GDF6: variants seen among roughly 807,000 people sequenced by gnomAD.
GDF6 encodes growth differentiation factor 6.
Under a neutral mutation model 32.4 loss-of-function variants are expected in GDF6, and 3 were observed. The observed-to-expected ratio is 0.09, with a 90% confidence interval of 0.04 to 0.24. The LOEUF is 0.24. Among genes scored for constraint, GDF6 ranks in the 10% least tolerant of loss-of-function variants. The pLI, the probability that GDF6 is intolerant of heterozygous loss-of-function variation, is 1.00. For missense variants in GDF6, 589 were observed against 637.9 expected, an observed-to-expected ratio of 0.92 and a Z score of 0.83; for synonymous variants, 296 against 295.3, an observed-to-expected ratio of 1.00 and a Z score of -0.03.
chr8:96,152,233 T>C (rs1299003185), intron 1 of GDF6, among the ~76,000 whole-genome samples: 2 of 152,170 alleles, frequency 1.3e-5, no homozygotes, highest in Non-Finnish European at 1.5e-5. Context: ...ATCATCCCGA[T>C]TCTTCTCAGT....
Position 96,142,773 on chromosome 8 carries a change from T to C in GDF6, c.*1790A>G, listed in dbSNP as rs1290681391. On this transcript the variant is annotated 3_prime_UTR_variant, in exon 2 of 2. Coordinates refer to ENST00000287020, the MANE Select transcript of GDF6 (RefSeq NM_001001557.4). ...AATGTGCATTTTAAATTATTTCTCC[T>C]GGCCAAGTCTTTTTTTCACTTAGCA... 1 of 152,648 alleles carries C rather than the reference T, an allele frequency of 6.6e-6. No homozygotes were observed. Among genetic ancestry groups the C allele is most frequent in the Non-Finnish European group, 1.5e-5 (1 of 68,038 alleles). The allele number at this position is 152,648 out of a possible 1,614,324, so 9.5% of individuals were successfully genotyped here.
At chr8:96,158,926 C>T (rs1812714834) in intron 1 of GDF6, among the ~76,000 whole-genome samples, 1 of 152,006 alleles carries the variant, frequency 6.6e-6, no homozygotes, top group African/African-American at 2.4e-5. Flanking sequence ...GCGGCGAGAC[C>T]CTCGAGCAAG....
chr8:96,149,405 G>T (rs1477330805), intron 1 of GDF6, among the ~76,000 whole-genome samples: 1 of 152,202 alleles, frequency 6.6e-6, no homozygotes, highest in Non-Finnish European at 1.5e-5. Flanking sequence ...ACAATTGCTG[G>T]ATTAGGGCTT....
rs1411097340 is a variant in GDF6 at position 96,145,619 on chromosome 8, G to A, written c.407-95C>T. 2.0e-6 allele frequency: 3 copies of A among 1,487,230 alleles called. No individual in the cohort carries two copies. Among genetic ancestry groups the A allele is most frequent in the Non-Finnish European group, 2.8e-6 (3 of 1,088,998 alleles). 92.1% of individuals were successfully genotyped at this position (1,487,230 alleles called of 1,614,324 possible). ...CCCGGGAGGAAAAGGGCGGGGAGTG[G>A]GGGCAGGTCGGCCGGGCAGTCCAGC... is the stretch of plus-strand genomic sequence containing the variant. On this transcript the variant is annotated intron_variant, in intron 1 of 1. Coordinates refer to ENST00000287020, the MANE Select transcript of GDF6 (RefSeq NM_001001557.4). The surrounding 1 kb of genome is among the most constrained non-coding windows in gnomAD (Gnocchi z 5.6).
At chr8:96,146,727 T>TAG (rs1000496892) in intron 1 of GDF6, among the ~76,000 whole-genome samples, 17 of 110,912 alleles carry the variant, frequency 1.5e-4, no homozygotes, top group African/African-American at 6.3e-4. Context: ...GAGAGAGAGA[T>TAG]AGAGAGACTT....
At position 96,145,658 on chromosome 8, in the gene GDF6, G is replaced by C; in HGVS notation, c.407-134C>G. The C allele has an allele frequency of 9.6e-7, 1 of 1,039,546 alleles. No individual in the cohort carries two copies. Among genetic ancestry groups the C allele is most frequent in the Non-Finnish European group, 1.4e-6 (1 of 703,364 alleles). 64.4% of individuals were successfully genotyped at this position (1,039,546 alleles called of 1,614,324 possible). A position where few individuals can be genotyped will look rare whatever the true frequency, so the allele number is the denominator to read the frequency against. ...GGGCAGTCCAGCTTGCCCGGCCCAGGGCCTGACCACCCCGGCTCCCCATCT... is the reference window on the plus strand; with the variant it reads ...GGGCAGTCCAGCTTGCCCGGCCCAGCGCCTGACCACCCCGGCTCCCCATCT... On this transcript the variant is annotated intron_variant, in intron 1 of 1. Transcript: ENST00000287020. This position sits in a 1 kb window ranked among gnomAD's most constrained non-coding sequence, Gnocchi z 5.6.
rs1242366428 is a variant in GDF6 at position 96,145,557 on chromosome 8, A to T, written c.407-33T>A. 6.3e-7 allele frequency: 1 copy of T among 1,597,044 alleles called. No homozygotes were observed. Among genetic ancestry groups the T allele is most frequent in the Non-Finnish European group, 8.5e-7 (1 of 1,179,502 alleles). The stretch of plus-strand genomic sequence containing the variant: ...ATAAAAAATAATTACAGTCAGTTTC[A>T]CTTAAGGGGGAGATCAGCCCGGTGC... On this transcript the variant is annotated intron_variant, in intron 1 of 1. Transcript: ENST00000287020. This position sits in a 1 kb window ranked among gnomAD's most constrained non-coding sequence, Gnocchi z 5.6.
chr8:96,155,846 G>A (rs1299969876), intron 1 of GDF6, among the ~76,000 whole-genome samples: 1 of 152,104 alleles, frequency 6.6e-6, no homozygotes, highest in Non-Finnish European at 1.5e-5. Flanking sequence ...ACGACAACAG[G>A]GTACCGGCAA....
intron 1 of GDF6, among the ~76,000 whole-genome samples, chr8:96,159,628 G>T (rs1215877384): frequency 6.6e-6 from 1 of 152,244 alleles, no homozygotes; most frequent in African/African-American, 2.4e-5. Flanking sequence ...CGCCGCATCT[G>T]CAGAAACCAC....
In GDF6 at chr8:96,144,475, C is replaced by T; in HGVS notation, c.*88G>A. 1 of 1,511,366 alleles carries T rather than the reference C, an allele frequency of 6.6e-7. No homozygotes were observed. Among genetic ancestry groups the T allele is most frequent in the Non-Finnish European group, 8.9e-7 (1 of 1,119,006 alleles). The allele number at this position is 1,511,366 out of a possible 1,614,324, so 93.6% of individuals were successfully genotyped here. On this transcript the variant is annotated 3_prime_UTR_variant, in exon 2 of 2. Transcript: ENST00000287020. The surrounding 1 kb of genome is among the most constrained non-coding windows in gnomAD (Gnocchi z 5.1). ...CTCAGCCTCCCCCAGCGCCAGCTTC[C>T]TCCTCCGCCTCTCTGCAGCCAGGCC...
chr8:96,150,799 C>A (rs771760494), intron 1 of GDF6, among the ~76,000 whole-genome samples: 28 of 152,224 alleles, frequency 1.8e-4, no homozygotes, highest in Non-Finnish European at 3.2e-4. Context: ...TAGGACATAG[C>A]TTCATCATTA....
chr8:96,145,013 G>A lies in GDF6; in HGVS notation c.918C>T (p.Gly306=). 2.9e-6 allele frequency: 4 copies of A among 1,395,074 alleles called. No homozygotes were observed. The highest frequency in any genetic ancestry group is 2.8e-6 in the Non-Finnish European group (3 of 1,072,990). The allele number at this position is 1,395,074 out of a possible 1,614,324, so 86.4% of individuals were successfully genotyped here. The change falls in exon 2 of 2, where the codon GGC becomes GGT. Residue 306 remains glycine (G), a synonymous_variant. Transcript: ENST00000287020. This position sits in a 1 kb window ranked among gnomAD's most constrained non-coding sequence, Gnocchi z 5.6. ...GCGGCCACGACCCCTCGGCGCCCGCGCCCGGGCCCGCAGCCTCGGCCGAGC... is the reference window on the plus strand; with the variant it reads ...GCGGCCACGACCCCTCGGCGCCCGCACCCGGGCCCGCAGCCTCGGCCGAGC... ...QLGSAEAAGP[G]AGAEGSWPPP... is the part of the protein sequence containing the mutation.
chr8:96,156,890 A>C (rs1812674274), intron 1 of GDF6, among the ~76,000 whole-genome samples: 1 of 152,138 alleles, frequency 6.6e-6, no homozygotes. Context: ...ATCCATTAGA[A>C]ACCACCTCAC....
In GDF6 at chr8:96,144,242, AAT is replaced by A. The variant is rs1554571151; in HGVS notation, c.*319_*320del. The stretch of plus-strand genomic sequence containing the variant: ...ACATAAGGAAATCCAAAGCCACAGT[AAT>A]AGAGAGAGAGAGAGAGAGAGAGAGA... On this transcript the variant is annotated 3_prime_UTR_variant, in exon 2 of 2. Coordinates refer to ENST00000287020, the MANE Select transcript of GDF6 (RefSeq NM_001001557.4). This position sits in a 1 kb window ranked among gnomAD's most constrained non-coding sequence, Gnocchi z 5.1. 180 of 190,092 alleles carry A rather than the reference AAT, an allele frequency of 9.5e-4. 2 individuals are homozygous for A. The highest frequency in any genetic ancestry group is 8.0e-3 in the African/African-American group (139 of 17,474). 11.8% of individuals were successfully genotyped at this position (190,092 alleles called of 1,614,324 possible).
At position 96,143,718 on chromosome 8, in the gene GDF6, T is replaced by G. The variant is rs960102687; in HGVS notation, c.*845A>C. The G allele has an allele frequency of 5.2e-5, 8 of 152,718 alleles. No homozygotes were observed. Among genetic ancestry groups the G allele is most frequent in the Non-Finnish European group, 8.8e-5 (6 of 68,106 alleles). The allele number at this position is 152,718 out of a possible 1,614,324, so 9.5% of individuals were successfully genotyped here. A position where few individuals can be genotyped will look rare whatever the true frequency, so the allele number is the denominator to read the frequency against. On this transcript the variant is annotated 3_prime_UTR_variant, in exon 2 of 2. Coordinates refer to ENST00000287020, the MANE Select transcript of GDF6 (RefSeq NM_001001557.4). The stretch of plus-strand genomic sequence containing the variant: ...CAGGCCTTGTGGTTTCTCATTATCC[T>G]TCAAGGGGTTCCATTTGGACTAATT...
intron 1 of GDF6, among the ~76,000 whole-genome samples, chr8:96,157,092 A>G (rs1487015459): frequency 1.3e-5 from 2 of 152,222 alleles, no homozygotes; most frequent in Non-Finnish European, 1.5e-5. Flanking sequence ...GAGATAATTC[A>G]TGTAACCAAT....
intron 1 of GDF6, among the ~76,000 whole-genome samples, chr8:96,152,736 A>T (rs1812589508): frequency 6.6e-6 from 1 of 152,162 alleles, no homozygotes; most frequent in South Asian, 2.1e-4. Context: ...GCCCTCCCCA[A>T]TAGCTTGCCC....
chr8:96,150,701 G>A (rs905860077), intron 1 of GDF6, among the ~76,000 whole-genome samples: 1 of 152,238 alleles, frequency 6.6e-6, no homozygotes, highest in African/African-American at 2.4e-5. Flanking sequence ...AGAGACAGGT[G>A]TTGAAGGTCC....
intron 1 of GDF6, among the ~76,000 whole-genome samples, chr8:96,147,519 G>C (rs1812505884): frequency 6.6e-6 from 1 of 152,228 alleles, no homozygotes; most frequent in African/African-American, 2.4e-5. Context: ...GCTAAATGTG[G>C]TTAGGAATAA....
Sources: allele counts gnomAD v4.1 joint callset (sites outside exome capture counted in the v4.1 genomes callset), GRCh38; gene constraint gnomAD v4.1.1; non-coding constraint Gnocchi (gnomAD v3.1); transcripts MANE v1.5; gene names NCBI Gene and HGNC (gene_info 2026-07-23, HGNC 2026-07-21).